ART4: variants seen among roughly 807,000 people sequenced by gnomAD.
The protein encoded by ART4 is ADP-ribosyltransferase 4 (inactive) (Dombrock blood group).
In ART4, 14 loss-of-function variants were observed where a neutral mutation model predicts 24.2. The ratio of observed to expected loss-of-function variants is 0.58; its 90% CI spans 0.38 to 0.90. ART4 has a LOEUF of 0.90. Ranked by LOEUF, ART4 falls within the 40% of genes least tolerant of loss-of-function variation. ART4 has a pLI of 0.00. For missense variants in ART4, 356 were observed against 366.6 expected (o/e 0.97, Z 0.24); for synonymous variants, 145 against 139.9 (o/e 1.04, Z -0.26).
intron 2 of ART4, among the ~76,000 whole-genome samples, chr12:14,834,913 A>G (rs916924663): frequency 1.3e-5 from 2 of 152,218 alleles, no homozygotes; most frequent in Non-Finnish European, 2.9e-5. Flanking sequence ...TCTAAAAGCA[A>G]CAGATTCCTG....
intron 2 of ART4, among the ~76,000 whole-genome samples, chr12:14,834,402 G>A (rs1950415742): frequency 6.6e-6 from 1 of 152,122 alleles, no homozygotes; most frequent in Non-Finnish European, 1.5e-5. Flanking sequence ...TATCTTAAAA[G>A]TTTTGAGTAC....
chr12:14,840,989 G>C lies in ART4; in HGVS notation c.309C>G (p.Ala103=). The change falls in exon 2 of 3, where the codon GCC becomes GCG. Residue 103 remains alanine (A), a synonymous_variant. Transcript: ENST00000228936. The part of the protein sequence containing the change: ...YFRMWQKAHL[A]WLNQGKVLPQ... The stretch of plus-strand genomic sequence containing the variant: ...GTAGAACTTTTCCTTGGTTAAGCCA[G>C]GCTAAGTGGGCTTTTTGCCACATCC... 1 of 1,614,210 alleles carries C rather than the reference G, an allele frequency of 6.2e-7. No individual in the cohort carries two copies. The highest frequency in any genetic ancestry group is 8.5e-7 in the Non-Finnish European group (1 of 1,180,046).
Position 14,827,271 on chromosome 12 carries a change from G to C in ART4, c.*2100C>G, listed in dbSNP as rs1950365071. The C allele has an allele frequency of 6.6e-6, 1 of 152,172 alleles. No homozygotes were observed. Among genetic ancestry groups the C allele is most frequent in the South Asian group, 2.1e-4 (1 of 4,828 alleles). 9.4% of individuals were successfully genotyped at this position (152,172 alleles called of 1,614,324 possible). On this transcript the variant is annotated 3_prime_UTR_variant, in exon 3 of 3. Coordinates refer to ENST00000228936, the MANE Select transcript of ART4 (RefSeq NM_021071.4). ...TTTACCAACATAGCATGTCATTACT[G>C]ACTCATCGATGCTCACTGGAAAAGC...
chr12:14,835,830 C>T (rs1950427007), intron 2 of ART4, among the ~76,000 whole-genome samples: 1 of 152,064 alleles, frequency 6.6e-6, no homozygotes, highest in Middle Eastern at 3.2e-3. Flanking sequence ...GTCTCGATCT[C>T]CTGACCTTGT....
rs912581204 is a variant in ART4, at chr12:14,842,986, G to A, written c.128C>T (p.Pro43Leu). Residue 43 changes from proline (P) to leucine (L), a missense_variant, in exon 1 of 3, where the codon CCC (proline) becomes CTC (leucine). Pro to Leu is a moderately conservative substitution (Grantham distance 98, BLOSUM62 -3). Coordinates refer to ENST00000228936, the MANE Select transcript of ART4 (RefSeq NM_021071.4). ...TCCCCCTACCTCAGAACCCTCTGTG[G>A]GTCTCTGCAGGCCAGAGAGGAGCAG... ...FLLLLSGLQR[P>L]TEGSEVAIKI... 6.2e-7 allele frequency: 1 copy of A among 1,612,834 alleles called. No individual in the cohort carries two copies. The highest frequency in any genetic ancestry group is 1.7e-5 in the Admixed American group (1 of 59,854).
At position 14,831,329 on chromosome 12, in the gene ART4, G is replaced by A. The variant is rs1469887804; in HGVS notation, c.854-1867C>T. Among the ~76,000 whole-genome samples the A allele has an allele frequency of 2.7e-5, 4 of 147,974 alleles. No homozygotes were observed. The East Asian group carries it at 7.9e-4, about 29-fold the overall frequency. On this transcript the variant is annotated intron_variant, in intron 2 of 2. Transcript: ENST00000228936. ...CTGTCACCCAGGCTAGAGTACAGCA[G>A]TGTGATCTCTGCTCACTGCAACATC...
chr12:14,840,893 G>T lies in ART4; in HGVS notation c.405C>A (p.Asp135Glu), dbSNP rs28362799. ...FYTLNSNVHSDFTRAMASVAR... is the reference protein window; with the variant it reads ...FYTLNSNVHSEFTRAMASVAR... ...CAACAGAGGCCATGGCTCTAGTAAA[G>T]TCAGAATGAACATTGCTGTTCAATG... The change falls in exon 2 of 3, where the codon GAC becomes GAA. Residue 135 changes from aspartate (D) to glutamate (E), a missense_variant. Coordinates refer to ENST00000228936, the MANE Select transcript of ART4 (RefSeq NM_021071.4). The T allele has an allele frequency of 8.6e-5, 139 of 1,614,220 alleles. No homozygotes were observed. The African/African-American group carries it at 1.7e-3, about 20-fold the overall frequency.
chr12:14,836,076 C>CATAT (rs149334373), intron 2 of ART4, among the ~76,000 whole-genome samples: 2,585 of 150,798 alleles, frequency 0.017, 72 homozygotes, highest in African/African-American at 0.058. Context: ...TATGTATATA[C>CATAT]ATATATATAT....
At chr12:14,830,400 G>A (rs1011887480) in intron 2 of ART4, among the ~76,000 whole-genome samples, 1 of 151,498 alleles carries the variant, frequency 6.6e-6, no homozygotes, top group South Asian at 2.1e-4. Context: ...ATGTTTCTGG[G>A]AGGAAGAGAT....
chr12:14,837,791 G>C (rs1038434968), intron 2 of ART4, among the ~76,000 whole-genome samples: 1 of 152,110 alleles, frequency 6.6e-6, no homozygotes, highest in Non-Finnish European at 1.5e-5. Context: ...CTGGGATTAC[G>C]GGTGTGAGCC....
In ART4 at chr12:14,841,094, G is replaced by T; in HGVS notation, c.204C>A (p.Gly68=). ...GTTTCTCCATAACCTGTTTGCTACA[G>T]CCTTGGTACTGATCATCAAAAGAAC... is the stretch of plus-strand genomic sequence containing the variant. The part of the protein sequence containing the change: ...APGSFDDQYQ[G]CSKQVMEKLT... Residue 68 remains glycine, a synonymous_variant, in exon 2 of 3, where the codon GGC becomes GGA. Coordinates refer to ENST00000228936, the MANE Select transcript of ART4 (RefSeq NM_021071.4). 6.2e-7 allele frequency: 1 copy of T among 1,611,168 alleles called. No individual in the cohort carries two copies.
In ART4 at chr12:14,826,463, A is replaced by G. The variant is rs1950360652; in HGVS notation, c.*2908T>C. 1 of 152,196 alleles carries G rather than the reference A, an allele frequency of 6.6e-6. No individual in the cohort carries two copies. The highest frequency in any genetic ancestry group is 2.4e-5 in the African/African-American group (1 of 41,432). The allele number at this position is 152,196 out of a possible 1,614,324, so 9.4% of individuals were successfully genotyped here. ...AGGACTTATTAAAACAGACTGTTCA[A>G]TTTCTGTAGTCTGTAGTCTGGGATC... On this transcript the variant is annotated 3_prime_UTR_variant, in exon 3 of 3. Coordinates refer to ENST00000228936, the MANE Select transcript of ART4 (RefSeq NM_021071.4).
Position 14,843,030 on chromosome 12 carries a change from TCCAAGGAGCCAG to T in ART4, c.72_83del (p.Trp25_Gly28del), listed in dbSNP as rs1441724004. 2.5e-6 allele frequency: 4 copies of T among 1,614,044 alleles called. No homozygotes were observed. Among genetic ancestry groups the T allele is most frequent in the Non-Finnish European group, 3.4e-6 (4 of 1,179,982 alleles). On this transcript the variant is annotated inframe_deletion, in exon 1 of 3. Coordinates refer to ENST00000228936, the MANE Select transcript of ART4 (RefSeq NM_021071.4). ...GGAGCAGCAGGAATGGCAGCAGGCC[TCCAAGGAGCCAG>T]ATTCTCATCGTTGCAGGAGGTACAG...
chr12:14,830,693 A>G (rs1950391190), intron 2 of ART4, among the ~76,000 whole-genome samples: 1 of 112,040 alleles, frequency 8.9e-6, no homozygotes, highest in East Asian at 2.5e-4. Flanking sequence ...ATATATATAT[A>G]TATATACAGT....
chr12:14,839,570 T>A (rs1354789322), intron 2 of ART4, among the ~76,000 whole-genome samples: 1 of 152,200 alleles, frequency 6.6e-6, no homozygotes, highest in Non-Finnish European at 1.5e-5. Context: ...GATCAGATTC[T>A]CTTTACAATG....
chr12:14,843,042 G>C lies in ART4; in HGVS notation c.72C>G (p.Ile24Met), dbSNP rs750560135. 1 of 1,614,188 alleles carries C rather than the reference G, an allele frequency of 6.2e-7. No individual in the cohort carries two copies. The highest frequency in any genetic ancestry group is 1.7e-4 in the Middle Eastern group (1 of 6,060). Reference sequence around the variant, plus strand: ...ATGGCAGCAGGCCTCCAAGGAGCCAGATTCTCATCGTTGCAGGAGGTACAG... The same window carrying C: ...ATGGCAGCAGGCCTCCAAGGAGCCACATTCTCATCGTTGCAGGAGGTACAG... Reference protein sequence around the residue: ...PTTVPPATMRIWLLGGLLPFL... With the variant: ...PTTVPPATMRMWLLGGLLPFL... The change falls in exon 1 of 3, where the codon ATC becomes ATG. Residue 24 changes from isoleucine (I) to methionine (M), a missense_variant. Transcript: ENST00000228936.
At chr12:14,834,731 T>C (rs143518656) in intron 2 of ART4, among the ~76,000 whole-genome samples, 112 of 152,342 alleles carry the variant, frequency 7.4e-4, no homozygotes, top group Middle Eastern at 6.8e-3. Context: ...TTAACATATT[T>C]TGAGTCTTCC....
chr12:14,840,295 T>C (rs1950457740), intron 2 of ART4, 150 bp downstream of exon 2: 1 of 626,290 alleles, frequency 1.6e-6, no homozygotes, highest in Non-Finnish European at 2.7e-6. Context: ...ATAAATAAAG[T>C]GGATTTTCTC....
intron 2 of ART4, among the ~76,000 whole-genome samples, chr12:14,840,140 G>C (rs1027282973): frequency 6.6e-6 from 1 of 152,186 alleles, no homozygotes; most frequent in African/African-American, 2.4e-5. Flanking sequence ...AAAGCAATGA[G>C]TTTGAGGGAG....
Sources: allele counts gnomAD v4.1 joint callset (sites outside exome capture counted in the v4.1 genomes callset), GRCh38; gene constraint gnomAD v4.1.1; transcripts MANE v1.5; gene names NCBI Gene and HGNC (gene_info 2026-07-23, HGNC 2026-07-21).